Variants in ATG10 observed in about 807,000 individuals in gnomAD.
ATG10 encodes ubiquitin-like-conjugating enzyme ATG10.
ATG10 carries 30 observed loss-of-function variants against 32.1 expected under a neutral mutation model. The ratio of observed to expected loss-of-function variants is 0.94; its 90% CI spans 0.70 to 1.27. The LOEUF (loss-of-function observed/expected upper bound fraction) is 1.27, where lower values mean the gene tolerates loss of function less well. ATG10 is among the 50% of genes most tolerant of loss of function. The pLI is 0.00. For synonymous variants in ATG10, 87 were observed against 91.5 expected (o/e 0.95, Z 0.28); for missense variants, 233 against 262.3 (o/e 0.89, Z 0.77).
chr5:82,116,064 A>G (rs887594329), intron 3 of ATG10, among the ~76,000 whole-genome samples: 1 of 152,128 alleles, frequency 6.6e-6, no homozygotes, highest in African/African-American at 2.4e-5. Context: ...GACTTGGCAT[A>G]TAGTAGACTG....
chr5:82,141,932 T>C (rs1050464838), intron 3 of ATG10, among the ~76,000 whole-genome samples: 2 of 152,220 alleles, frequency 1.3e-5, no homozygotes, highest in Admixed American at 1.3e-4. Context: ...GGTTCTACTT[T>C]TTTGCCCTGT....
intron 3 of ATG10, among the ~76,000 whole-genome samples, chr5:82,114,920 A>C (rs75133380): frequency 0.012 from 1,781 of 152,186 alleles, 43 homozygotes; most frequent in African/African-American, 0.041. Flanking sequence ...TATGATCGCT[A>C]CTAGCCCATG....
intron 1 of ATG10, among the ~76,000 whole-genome samples, chr5:81,983,633 CGG>C (rs1232711610): frequency 7.7e-6 from 1 of 129,892 alleles, no homozygotes. Flanking sequence ...GCTGGCCGGG[CGG>C]GGGGGCTGAC....
At chr5:82,128,724 G>A (rs563124258) in intron 3 of ATG10, among the ~76,000 whole-genome samples, 11 of 106,052 alleles carry the variant, frequency 1.0e-4, no homozygotes, top group African/African-American at 3.2e-4. Context: ...CCATTACCAA[G>A]CAAATGGAAG....
intron 5 of ATG10, among the ~76,000 whole-genome samples, chr5:82,213,963 T>G (rs930848532): frequency 3.9e-5 from 6 of 152,228 alleles, no homozygotes; most frequent in African/African-American, 1.4e-4. Flanking sequence ...TATTGTATAC[T>G]AAGGTGACTT....
chr5:82,085,724 A>G (rs1002593746), intron 3 of ATG10, among the ~76,000 whole-genome samples: 1 of 152,160 alleles, frequency 6.6e-6, no homozygotes, highest in Admixed American at 6.6e-5. Context: ...CAAAAGTGTT[A>G]TTCTATTAAG....
chr5:82,100,000 GTTTTTT>G (rs869311526), intron 3 of ATG10, among the ~76,000 whole-genome samples: 1 of 58,940 alleles, frequency 1.7e-5, no homozygotes, highest in East Asian at 5.2e-4. Flanking sequence ...CTTTTTCTGT[GTTTTTT>G]TTTTTTTTTT....
intron 2 of ATG10, among the ~76,000 whole-genome samples, chr5:81,995,541 C>G (rs1761637192): frequency 6.6e-6 from 1 of 152,096 alleles, no homozygotes; most frequent in Non-Finnish European, 1.5e-5. Flanking sequence ...TTTGTGCTAC[C>G]TTATGATTTC....
chr5:82,080,444 A>G (rs1561288012), intron 3 of ATG10, among the ~76,000 whole-genome samples: 1 of 152,182 alleles, frequency 6.6e-6, no homozygotes, highest in Non-Finnish European at 1.5e-5. Context: ...GCCCATGCCT[A>G]TGTCCTGAAT....
chr5:82,123,462 G>A (rs76389624), intron 3 of ATG10, among the ~76,000 whole-genome samples: 34,836 of 151,184 alleles, frequency 0.23, 4,238 homozygotes, highest in African/African-American at 0.31. Flanking sequence ...CAACAAACCC[G>A]CATGATATGA....
At chr5:82,082,369 A>C (rs776834470) in intron 3 of ATG10, among the ~76,000 whole-genome samples, 8 of 152,180 alleles carry the variant, frequency 5.3e-5, no homozygotes, top group Non-Finnish European at 7.3e-5. Context: ...ATTCAGAAAT[A>C]CCTAAACACC....
Position 82,036,221 on chromosome 5 carries a change from C to T in ATG10, c.109-22274C>T, listed in dbSNP as rs558974410. Among the ~76,000 whole-genome samples the T allele has an allele frequency of 1.1e-4, 16 of 152,262 alleles. No individual in the cohort carries two copies. The South Asian group carries it at 3.3e-3, about 32-fold the overall frequency. On this transcript the variant is annotated intron_variant, in intron 2 of 7. Coordinates refer to ENST00000282185, the MANE Select transcript of ATG10 (RefSeq NM_031482.5). ...CAATTTATCATATATTAACTTCTAA[C>T]ATATATGGCCCTGTTTTCTAGAGTC...
intron 3 of ATG10, among the ~76,000 whole-genome samples, chr5:82,122,680 C>G (rs191251307): frequency 2.0e-5 from 3 of 152,162 alleles, no homozygotes; most frequent in African/African-American, 7.2e-5. Flanking sequence ...AAAACAATCC[C>G]GTTAAAAAGT....
intron 3 of ATG10, among the ~76,000 whole-genome samples, chr5:82,109,104 A>G (rs1765531854): frequency 6.6e-6 from 1 of 152,090 alleles, no homozygotes; most frequent in South Asian, 2.1e-4. Context: ...GACTACATAT[A>G]GGAGGCTAAG....
chr5:81,974,360 G>A (rs570140376), intron 1 of ATG10, among the ~76,000 whole-genome samples: 2 of 152,154 alleles, frequency 1.3e-5, no homozygotes, highest in Admixed American at 6.5e-5. Context: ...CTTAATTAGG[G>A]AATGGTTGCT....
At chr5:82,139,101 C>G (rs1225447802) in intron 3 of ATG10, among the ~76,000 whole-genome samples, 2 of 146,970 alleles carry the variant, frequency 1.4e-5, no homozygotes, top group African/African-American at 5.1e-5. Context: ...ACCTCGGCCT[C>G]CCGAGGTGCC....
At chr5:82,111,107 C>A (rs1280859757) in intron 3 of ATG10, among the ~76,000 whole-genome samples, 1 of 151,956 alleles carries the variant, frequency 6.6e-6, no homozygotes, top group East Asian at 1.9e-4. Flanking sequence ...CCACCTTCCT[C>A]CCTTTCCTAT....
intron 3 of ATG10, among the ~76,000 whole-genome samples, chr5:82,151,254 A>G (rs1767583032): frequency 6.6e-6 from 1 of 152,170 alleles, no homozygotes; most frequent in African/African-American, 2.4e-5. Context: ...GTCCTGCTAT[A>G]TTGCCTAGGC....
chr5:81,988,395 T>C (rs1761352907), intron 2 of ATG10, among the ~76,000 whole-genome samples: 1 of 152,184 alleles, frequency 6.6e-6, no homozygotes, highest in African/African-American at 2.4e-5. Context: ...CGCCTCAGCC[T>C]CCCAAAGTCC....
Sources: allele counts gnomAD v4.1 joint callset (sites outside exome capture counted in the v4.1 genomes callset), GRCh38; gene constraint gnomAD v4.1.1; transcripts MANE v1.5; gene names NCBI Gene and HGNC (gene_info 2026-07-23, HGNC 2026-07-21).